The following EMCN variants were observed in gnomAD, a reference collection of about 807,000 sequenced individuals.
EMCN encodes the protein endomucin.
A neutral mutation model predicts 38.4 loss-of-function variants in EMCN; 37 were observed. That is an observed-to-expected ratio of 0.96 (90% CI 0.74 to 1.27). The LOEUF (loss-of-function observed/expected upper bound fraction) is 1.27. EMCN is among the 50% of genes most tolerant of loss of function. The pLI is 0.00. For synonymous variants in EMCN, 95 were observed against 100.8 expected (o/e 0.94, Z 0.35); for missense variants, 318 against 302.8 (o/e 1.05, Z -0.37).
At chr4:100,434,586 G>T (rs372431016) in intron 5 of EMCN, among the ~76,000 whole-genome samples, 1 of 151,698 alleles carries the variant, frequency 6.6e-6, no homozygotes, top group African/African-American at 2.4e-5. Context: ...ATAAAACCTC[G>T]GGCCAATATC....
chr4:100,460,730 C>T (rs942187053), intron 4 of EMCN, among the ~76,000 whole-genome samples: 8 of 152,160 alleles, frequency 5.3e-5, no homozygotes, highest in Admixed American at 3.3e-4. Context: ...ACAGCCAAAC[C>T]ATTATCAATA....
At chr4:100,448,795 T>TTTTCTTTCTTTCCTTCCTTCCTTC (rs58028381) in intron 4 of EMCN, among the ~76,000 whole-genome samples, 2,599 of 114,298 alleles carry the variant, frequency 0.023, 438 homozygotes, top group African/African-American at 0.081. Flanking sequence ...TGCCTTGAAG[T>TTTTCTTTCTTTCCTTCCTTCCTTC]CTTCCTTCCT....
chr4:100,421,709 CT>C (rs1403714218), intron 7 of EMCN, among the ~76,000 whole-genome samples: 5 of 152,012 alleles, frequency 3.3e-5, no homozygotes, highest in Admixed American at 3.3e-4. Flanking sequence ...TCCTCATTCA[CT>C]CATTACATTT....
At chr4:100,516,995 C>A (rs771053666) in intron 1 of EMCN, among the ~76,000 whole-genome samples, 24 of 152,002 alleles carry the variant, frequency 1.6e-4, no homozygotes, top group Non-Finnish European at 2.8e-4. Flanking sequence ...CCCAGTAGTA[C>A]TTCTACCACT....
In EMCN at chr4:100,397,340, G is replaced by C. The variant is rs1184948190; in HGVS notation, c.*1073C>G. 1 of 152,142 alleles carries C rather than the reference G, an allele frequency of 6.6e-6. No individual in the cohort carries two copies. The highest frequency in any genetic ancestry group is 1.5e-5 in the Non-Finnish European group (1 of 68,020). 9.4% of individuals were successfully genotyped at this position (152,142 alleles called of 1,614,324 possible). ...AAGGTTGATCAGTTAGCTTTTAACA[G>C]AAGAATTTGCTCCTGATGGAGTGGC... On this transcript the variant is annotated 3_prime_UTR_variant, in exon 12 of 12. Transcript: ENST00000296420.
chr4:100,460,465 A>G (rs1386198860), intron 4 of EMCN, among the ~76,000 whole-genome samples: 1 of 152,160 alleles, frequency 6.6e-6, no homozygotes, highest in Non-Finnish European at 1.5e-5. Context: ...ACAATTCCAC[A>G]TGGCAGGGGA....
At chr4:100,417,003 A>G (rs1224267119) in intron 9 of EMCN, 114 bp downstream of exon 9, 8 of 1,033,846 alleles carry the variant, frequency 7.7e-6, no homozygotes, top group Non-Finnish European at 9.0e-6. Flanking sequence ...GTTAAAGCCA[A>G]TATGTAGATT....
In EMCN at chr4:100,395,600, A is replaced by G. The variant is rs552745971; in HGVS notation, c.*2813T>C. 2.6e-5 allele frequency: 4 copies of G among 152,306 alleles called. No homozygotes were observed. In the South Asian group the frequency reaches 8.3e-4, roughly 32 times the overall value. The allele number at this position is 152,306 out of a possible 1,614,324, so 9.4% of individuals were successfully genotyped here. Reference sequence around the variant, plus strand: ...CATATTCACTTTTCCTTTCAACATCATAAAATCTTGAATGACCACAAGTAG... The same window carrying G: ...CATATTCACTTTTCCTTTCAACATCGTAAAATCTTGAATGACCACAAGTAG... On this transcript the variant is annotated 3_prime_UTR_variant, in exon 12 of 12. Coordinates refer to ENST00000296420, the MANE Select transcript of EMCN (RefSeq NM_016242.4).
intron 4 of EMCN, among the ~76,000 whole-genome samples, chr4:100,460,466 T>C (rs1355880256): frequency 6.6e-6 from 1 of 152,166 alleles, no homozygotes; most frequent in Non-Finnish European, 1.5e-5. Context: ...CAATTCCACA[T>C]GGCAGGGGAG....
At chr4:100,450,654 A>G (rs1727812607) in intron 4 of EMCN, among the ~76,000 whole-genome samples, 1 of 151,966 alleles carries the variant, frequency 6.6e-6, no homozygotes, top group Non-Finnish European at 1.5e-5. Flanking sequence ...TCATCTGGCT[A>G]AACCATGACG....
At chr4:100,448,920 A>G (rs1481993215) in intron 4 of EMCN, among the ~76,000 whole-genome samples, 1 of 151,244 alleles carries the variant, frequency 6.6e-6, no homozygotes, top group Admixed American at 6.6e-5. Flanking sequence ...CTCCCCAACC[A>G]CCTTCACCAA....
At chr4:100,425,906 T>G (rs925831791) in intron 5 of EMCN, among the ~76,000 whole-genome samples, 6 of 152,084 alleles carry the variant, frequency 3.9e-5, no homozygotes, top group African/African-American at 1.2e-4. Context: ...TCTTGGACCC[T>G]GACTTTTGGT....
chr4:100,510,570 T>C (rs1026982126), intron 1 of EMCN, among the ~76,000 whole-genome samples: 1 of 152,214 alleles, frequency 6.6e-6, no homozygotes, highest in Non-Finnish European at 1.5e-5. Context: ...TTATCTCATA[T>C]CAGACGCTAT....
At chr4:100,458,166 G>A (rs1256958902) in intron 4 of EMCN, among the ~76,000 whole-genome samples, 1 of 152,122 alleles carries the variant, frequency 6.6e-6, no homozygotes, top group East Asian at 1.9e-4. Context: ...GTTTGAGGAG[G>A]ATTGGTGTTA....
At chr4:100,408,597 C>T (rs747877846) in intron 11 of EMCN, among the ~76,000 whole-genome samples, 6 of 152,160 alleles carry the variant, frequency 3.9e-5, no homozygotes, top group African/African-American at 7.2e-5. Flanking sequence ...TCTGTGTTTC[C>T]TCACATTTGT....
intron 1 of EMCN, among the ~76,000 whole-genome samples, chr4:100,511,123 T>A (rs1252559063): frequency 6.6e-6 from 1 of 152,222 alleles, no homozygotes; most frequent in East Asian, 1.9e-4. Context: ...TTATCCTTAT[T>A]CTTTTTCAGA....
chr4:100,423,451 T>C (rs770593430), intron 5 of EMCN, 47 bp from the exon 6 acceptor site: 39 of 1,310,652 alleles, frequency 3.0e-5, no homozygotes, highest in Non-Finnish European at 2.3e-5. Context: ...TATTAAGCCT[T>C]CATATGGGAT....
At chr4:100,439,182 T>C (rs901158006) in intron 5 of EMCN, among the ~76,000 whole-genome samples, 9 of 152,172 alleles carry the variant, frequency 5.9e-5, no homozygotes, top group African/African-American at 1.2e-4. Context: ...GTTTAAGAAG[T>C]ATCATTATTA....
chr4:100,403,021 T>C (rs1264990756), intron 11 of EMCN, among the ~76,000 whole-genome samples: 3 of 152,164 alleles, frequency 2.0e-5, no homozygotes, highest in African/African-American at 7.2e-5. Flanking sequence ...TCTCAAACTT[T>C]GCACCTGAAA....
Sources: allele counts gnomAD v4.1 joint callset (sites outside exome capture counted in the v4.1 genomes callset), GRCh38; gene constraint gnomAD v4.1.1; transcripts MANE v1.5; gene names NCBI Gene and HGNC (gene_info 2026-07-23, HGNC 2026-07-21).